CUX1: variants seen among roughly 807,000 people sequenced by gnomAD.
The protein encoded by CUX1 is cut like homeobox 1, also known as protein CASP.
A neutral mutation model predicts 158.8 loss-of-function variants in CUX1; 31 were observed. That is an observed-to-expected ratio of 0.20 (90% confidence interval 0.15 to 0.26). The LOEUF (loss-of-function observed/expected upper bound fraction) is 0.26. Ranked by LOEUF, CUX1 falls within the 10% of genes least tolerant of loss-of-function variation. The probability of loss-of-function intolerance (pLI) is 1.00; values close to 1 mark genes in which losing one functional copy is unlikely to be tolerated. For missense variants in CUX1, 1,589 were observed against 2,014.6 expected, an observed-to-expected ratio of 0.79 and a Z score of 4.04; for synonymous variants, 879 against 862.1, an observed-to-expected ratio of 1.02 and a Z score of -0.34.
intron 1 of CUX1, among the ~76,000 whole-genome samples, chr7:101,867,238 G>A (rs1728112271): frequency 6.6e-6 from 1 of 152,164 alleles, no homozygotes; most frequent in Admixed American, 6.5e-5. Context: ...AGTAAAAAAA[G>A]AGAGAGAGAA....
In CUX1 at chr7:101,817,804, T is replaced by C; in HGVS notation, c.30+135T>C. ...CTCTGGGAGGGGATAGGAGGGTTCC[T>C]CAGGGCCCCTGGGGAACTGCAGCTA... is the stretch of plus-strand genomic sequence containing the variant. On this transcript the variant is annotated intron_variant, in intron 1 of 23. Transcript: ENST00000292535. The surrounding 1 kb of genome is among the most constrained non-coding windows in gnomAD (Gnocchi z 4.1). The C allele has an allele frequency of 2.9e-6, 3 of 1,041,728 alleles. No homozygotes were observed. The highest frequency in any genetic ancestry group is 4.0e-6 in the Non-Finnish European group (3 of 743,754). The allele number at this position is 1,041,728 out of a possible 1,614,324, so 64.5% of individuals were successfully genotyped here.
chr7:101,928,940 G>C (rs1219172597), intron 2 of CUX1, among the ~76,000 whole-genome samples: 2 of 151,864 alleles, frequency 1.3e-5, no homozygotes, highest in Non-Finnish European at 2.9e-5. Context: ...AAAGTGCTGA[G>C]ATTACAGGCG....
At chr7:101,857,467 A>G (rs1357130418) in intron 1 of CUX1, among the ~76,000 whole-genome samples, 1 of 152,218 alleles carries the variant, frequency 6.6e-6, no homozygotes, top group Non-Finnish European at 1.5e-5. Flanking sequence ...ATGAAAAATG[A>G]GGACTGTAGG....
chr7:102,202,831 T>C (rs1282804634), intron 18 of CUX1, among the ~76,000 whole-genome samples: 1 of 152,202 alleles, frequency 6.6e-6, no homozygotes. Context: ...CTTCCCTGGC[T>C]CAGGAAAGTG....
intron 13 of CUX1, among the ~76,000 whole-genome samples, chr7:102,194,513 T>C (rs1425247668): frequency 6.6e-6 from 1 of 151,548 alleles, no homozygotes; most frequent in Admixed American, 6.6e-5. Flanking sequence ...GGCAGGAAGA[T>C]CGCTTGAGCC....
At chr7:101,943,078 C>CTTTTTTTTTTTTTTTTTTTTT (rs58332486) in intron 2 of CUX1, among the ~76,000 whole-genome samples, 17 of 80,310 alleles carry the variant, frequency 2.1e-4, no homozygotes, top group African/African-American at 4.1e-4. Flanking sequence ...CTGGTCAGTG[C>CTTTTTTTTTTTTTTTTTTTTT]TTTTTTTTTT....
Position 102,028,245 on chromosome 7 carries a change from A to G in CUX1, c.189+100A>G, listed in dbSNP as rs1820278465. On this transcript the variant is annotated intron_variant, in intron 3 of 23. Coordinates refer to ENST00000292535, the MANE Select transcript of CUX1 (RefSeq NM_181552.4). ...ATGCTCCGGGCAAAAGGTGCTGCCC[A>G]GATGGTGCCTTCCCGGCTGCTCCGA... 13 of 1,268,702 alleles carry G rather than the reference A, an allele frequency of 1.0e-5. No individual in the cohort carries two copies. In the South Asian group the frequency reaches 1.5e-4, roughly 15 times the overall value. 78.6% of individuals were successfully genotyped at this position (1,268,702 alleles called of 1,614,324 possible). A position where few individuals can be genotyped will look rare whatever the true frequency, so the allele number is the denominator to read the frequency against.
intron 8 of CUX1, among the ~76,000 whole-genome samples, chr7:102,138,188 A>C (rs1834095449): frequency 6.6e-6 from 1 of 152,228 alleles, no homozygotes; most frequent in African/African-American, 2.4e-5. Flanking sequence ...CGTCTCCAAA[A>C]ACAAAAAGTC....
At chr7:102,270,575 C>G (rs1340269143) in intron 14 of CUX1, among the ~76,000 whole-genome samples, 1 of 152,218 alleles carries the variant, frequency 6.6e-6, no homozygotes, top group Non-Finnish European at 1.5e-5. Flanking sequence ...TCTGCCTCAC[C>G]AGCAGCCATC....
downstream of CUX1, among the ~76,000 whole-genome samples, chr7:102,261,418 C>T (rs1254981882): frequency 6.6e-6 from 1 of 152,078 alleles, no homozygotes; most frequent in Non-Finnish European, 1.5e-5. Context: ...CACTTGAACC[C>T]AGGAGGCGGA....
chr7:102,162,519 C>G (rs1790555619), intron 9 of CUX1, among the ~76,000 whole-genome samples: 1 of 152,110 alleles, frequency 6.6e-6, no homozygotes, highest in Admixed American at 6.5e-5. Context: ...TCAAGCGATT[C>G]TCCTGCCTCA....
At chr7:101,888,071 C>T (rs1267136013) in intron 1 of CUX1, among the ~76,000 whole-genome samples, 4 of 152,036 alleles carry the variant, frequency 2.6e-5, no homozygotes, top group Non-Finnish European at 2.9e-5. Flanking sequence ...TGGTGGCTCA[C>T]GCCTGTAATC....
In CUX1 at chr7:101,857,454, C is replaced by T. The variant is rs369911981; in HGVS notation, c.30+39785C>T. On this transcript the variant is annotated intron_variant, in intron 1 of 23. Transcript: ENST00000292535. ...TAGTCTGCTTTTGGTATGATGGGGA[C>T]GGATGAAAAATGAGGACTGTAGGCC... 3.6e-4 allele frequency among the ~76,000 whole-genome samples: 55 copies of T among 152,276 alleles called. No individual in the cohort carries two copies. The South Asian group carries it at 3.7e-3, about 10-fold the overall frequency.
intron 2 of CUX1, among the ~76,000 whole-genome samples, chr7:101,941,329 A>C (rs1807688632): frequency 6.6e-6 from 1 of 152,110 alleles, no homozygotes; most frequent in South Asian, 2.1e-4. Context: ...GTTTCCCCAA[A>C]ACTTGCACAG....
chr7:102,219,632 G>A lies in CUX1; in HGVS notation c.3131-7735G>A, dbSNP rs117690935. On this transcript the variant is annotated intron_variant, in intron 20 of 23. Coordinates refer to ENST00000292535, the MANE Select transcript of CUX1 (RefSeq NM_181552.4). The stretch of plus-strand genomic sequence containing the variant: ...GAAAGCCATTTTGTAGTTTGGCCAC[G>A]CTGGGTACGTCTCTGATATTCCTTA... 4.5e-3 allele frequency among the ~76,000 whole-genome samples: 679 copies of A among 152,264 alleles called. 3 individuals are homozygous for A. The highest frequency in any genetic ancestry group is 6.6e-3 in the Non-Finnish European group (446 of 68,026).
At chr7:101,838,128 ATT>A (rs200864189) in intron 1 of CUX1, among the ~76,000 whole-genome samples, 10 of 135,580 alleles carry the variant, frequency 7.4e-5, no homozygotes, top group Admixed American at 7.4e-5. Flanking sequence ...CACTCGTCAC[ATT>A]TTTTTTTTTT....
At position 102,248,949 on chromosome 7, in the gene CUX1, C is replaced by G. The variant is rs149171097; in HGVS notation, c.4425C>G (p.Pro1475=). 2.7e-6 allele frequency: 4 copies of G among 1,487,784 alleles called. No individual in the cohort carries two copies. Among genetic ancestry groups the G allele is most frequent in the African/African-American group, 2.9e-5 (2 of 68,454 alleles). 92.2% of individuals were successfully genotyped at this position (1,487,784 alleles called of 1,614,324 possible). Residue 1475 remains proline, a synonymous_variant, in exon 24 of 24, where the codon CCC becomes CCG. Coordinates refer to ENST00000292535, the MANE Select transcript of CUX1 (RefSeq NM_181552.4). This position sits in a 1 kb window ranked among gnomAD's most constrained non-coding sequence, Gnocchi z 5.8. ...GCGCCCGGGACTCGCGCGACAACCC[C>G]CTGCGCAAGAAGAAGGCCGCGAACT... ...AAGARDSRDN[P]LRKKKAANLN...
At position 102,239,528 on chromosome 7, in the gene CUX1, C is replaced by T. The variant is rs1367088275; in HGVS notation, c.3831C>T (p.Leu1277=). ...PYPSPKTIED[L]ATQLNLKTST... is the part of the protein sequence containing the mutation. ...CGTCACCAAAAACCATCGAAGACCT[C>T]GCCACCCAGCTCAACCTGAAAACCA... is the stretch of plus-strand genomic sequence containing the variant. Residue 1277 remains leucine, a synonymous_variant, in exon 23 of 24, where the codon CTC becomes CTT. Coordinates refer to ENST00000292535, the MANE Select transcript of CUX1 (RefSeq NM_181552.4). 1 of 1,614,132 alleles carries T rather than the reference C, an allele frequency of 6.2e-7. No homozygotes were observed. Among genetic ancestry groups the T allele is most frequent in the Non-Finnish European group, 8.5e-7 (1 of 1,179,968 alleles).
chr7:102,251,070 C>A lies in CUX1; in HGVS notation c.*2028C>A. 1 of 985,086 alleles carries A rather than the reference C, an allele frequency of 1.0e-6. No homozygotes were observed. Among genetic ancestry groups the A allele is most frequent in the Non-Finnish European group, 1.2e-6 (1 of 829,812 alleles). 61.0% of individuals were successfully genotyped at this position (985,086 alleles called of 1,614,324 possible). A position where few individuals can be genotyped will look rare whatever the true frequency, so the allele number is the denominator to read the frequency against. ...ATTCTTTAGAGGGATAGACTGCCGG[C>A]AGTATTGGGTATAATTTACAAGATG... On this transcript the variant is annotated 3_prime_UTR_variant, in exon 24 of 24. Coordinates refer to ENST00000292535, the MANE Select transcript of CUX1 (RefSeq NM_181552.4).
Sources: gnomAD v4.1 joint callset for allele counts (sites outside exome capture counted in the v4.1 genomes callset) on GRCh38, gnomAD v4.1.1 for gene constraint, Gnocchi (gnomAD v3.1) non-coding constraint, MANE v1.5 for transcripts, NCBI Gene and HGNC (gene_info 2026-07-23, HGNC 2026-07-21) for gene names.